The following ABCA3 variants were observed in gnomAD, a reference collection of about 807,000 sequenced individuals.
ABCA3 encodes ATP binding cassette subfamily A member 3, also known as phospholipid-transporting ATPase ABCA3.
ABCA3 carries 88 observed loss-of-function variants against 172.8 expected under a neutral mutation model. That is an observed-to-expected ratio of 0.51 (90% CI 0.43 to 0.61). The LOEUF (loss-of-function observed/expected upper bound fraction) is 0.61. Among genes scored for constraint, ABCA3 ranks in the 20% least tolerant of loss-of-function variants. The pLI is 0.00. For synonymous variants in ABCA3, 1,066 were observed against 983.8 expected, an observed-to-expected ratio of 1.08 and a Z score of -1.56; for missense variants, 2,164 against 2,301.0, an observed-to-expected ratio of 0.94 and a Z score of 1.22.
rs201297097 is a variant in ABCA3, at chr16:2,310,427, A to C, written c.1112-1804T>G. Among the ~76,000 whole-genome samples, 165 of 150,938 alleles carry C rather than the reference A, an allele frequency of 1.1e-3. 1 individual carries two copies. Among genetic ancestry groups the C allele is most frequent in the East Asian group, 3.5e-3 (18 of 5,160 alleles). ...GTCTCAAAACAAACAAACAAACAAA[A>C]AAACAAACAAACAAACAAAACACCC... is the stretch of plus-strand genomic sequence containing the variant. On this transcript the variant is annotated intron_variant, in intron 10 of 32. Transcript: ENST00000301732.
rs2093663847 is a variant in ABCA3, at chr16:2,286,780, C to T, written c.3192G>A (p.Leu1064=). The part of the protein sequence containing the change: ...LAVVDNLLFK[L]LCGPHASIVV... ...CAATGGAGGCGTGAGGCCCGCACAGCAGCTTGAACAGAAGGTTGTCCACGA... is the reference window on the plus strand; with the variant it reads ...CAATGGAGGCGTGAGGCCCGCACAGTAGCTTGAACAGAAGGTTGTCCACGA... The change falls in exon 22 of 33, where the codon CTG becomes CTA. Residue 1064 remains leucine (L), a synonymous_variant. Transcript: ENST00000301732. This position sits in a 1 kb window ranked among gnomAD's most constrained non-coding sequence, Gnocchi z 5.2. 1 of 1,614,152 alleles carries T rather than the reference C, an allele frequency of 6.2e-7. No individual in the cohort carries two copies. The highest frequency in any genetic ancestry group is 8.5e-7 in the Non-Finnish European group (1 of 1,180,040).
chr16:2,293,368 T>C (rs950951358), intron 18 of ABCA3, among the ~76,000 whole-genome samples: 71 of 60,766 alleles, frequency 1.2e-3, no homozygotes, highest in African/African-American at 3.5e-3. Flanking sequence ...CCAAAATGCC[T>C]TTTTTTTTTT....
At chr16:2,299,912 G>T in intron 13 of ABCA3, 93 bp downstream of exon 13, 1 of 1,563,062 alleles carries the variant, frequency 6.4e-7, no homozygotes, top group Non-Finnish European at 8.7e-7. Context: ...CAGAGGGAGC[G>T]CCTGACGGGC....
In ABCA3 at chr16:2,284,543, G is replaced by A. The variant is rs1472125618; in HGVS notation, c.3704-106C>T. On this transcript the variant is annotated intron_variant, in intron 24 of 32. Transcript: ENST00000301732. The surrounding 1 kb of genome is among the most constrained non-coding windows in gnomAD (Gnocchi z 5.9). ...CAGGGCCTTATCCGTGCTGTGTGGAGTGAGGGGGCACCTCCCAGGGACGCC... is the reference window on the plus strand; with the variant it reads ...CAGGGCCTTATCCGTGCTGTGTGGAATGAGGGGGCACCTCCCAGGGACGCC... 1 of 1,515,756 alleles carries A rather than the reference G, an allele frequency of 6.6e-7. No individual in the cohort carries two copies. The allele number at this position is 1,515,756 out of a possible 1,614,324, so 93.9% of individuals were successfully genotyped here. A position where few individuals can be genotyped will look rare whatever the true frequency, so the allele number is the denominator to read the frequency against.
At chr16:2,309,223 G>A (rs2093702802) in intron 10 of ABCA3, among the ~76,000 whole-genome samples, 1 of 152,210 alleles carries the variant, frequency 6.6e-6, no homozygotes, top group Non-Finnish European at 1.5e-5. Context: ...TGGGATTACA[G>A]GCGTGAGCCA....
rs900827221 is a variant in ABCA3, at chr16:2,285,100, C to T, written c.3484-102G>A. ...CATTTGGAGGTCCTCAGACCCCTCCCGGTCAGCTGGCCCATGTCCATCAGC... is the reference window on the plus strand; with the variant it reads ...CATTTGGAGGTCCTCAGACCCCTCCTGGTCAGCTGGCCCATGTCCATCAGC... On this transcript the variant is annotated intron_variant, in intron 23 of 32. Transcript: ENST00000301732. This position sits in a 1 kb window ranked among gnomAD's most constrained non-coding sequence, Gnocchi z 4.7. 94 of 1,323,850 alleles carry T rather than the reference C, an allele frequency of 7.1e-5. 1 individual carries two copies. The Admixed American group carries it at 8.3e-4, about 12-fold the overall frequency. 82.0% of individuals were successfully genotyped at this position (1,323,850 alleles called of 1,614,324 possible). A position where few individuals can be genotyped will look rare whatever the true frequency, so the allele number is the denominator to read the frequency against.
chr16:2,301,165 A>G, intron 12 of ABCA3, among the ~76,000 whole-genome samples: 1 of 150,978 alleles, frequency 6.6e-6, no homozygotes, highest in Non-Finnish European at 1.5e-5. Context: ...CGGGAGGCGG[A>G]GCTTGCAGTG....
chr16:2,335,273 T>A (rs920582922), intron 1 of ABCA3, among the ~76,000 whole-genome samples: 3 of 152,216 alleles, frequency 2.0e-5, no homozygotes, highest in African/African-American at 7.2e-5. Flanking sequence ...GTATTTTTCT[T>A]TAAAAATGTG....
At chr16:2,292,310 C>A (rs2093673310) in intron 18 of ABCA3, 72 bp from the exon 19 acceptor site, 8 of 1,339,824 alleles carry the variant, frequency 6.0e-6, no homozygotes, top group Non-Finnish European at 8.4e-6. Context: ...AAAGCATCAC[C>A]CCCCCTCGGC....
At position 2,332,513 on chromosome 16, in the gene ABCA3, T is replaced by C. The variant is rs372217361; in HGVS notation, c.-538-2659A>G. 6.0e-5 allele frequency: 57 copies of C among 955,454 alleles called. No homozygotes were observed. In the East Asian group the frequency reaches 8.9e-4, roughly 15 times the overall value. The allele number at this position is 955,454 out of a possible 1,614,324, so 59.2% of individuals were successfully genotyped here. A position where few individuals can be genotyped will look rare whatever the true frequency, so the allele number is the denominator to read the frequency against. ...GAGATGGACTGACGGGTAGCATAAA[T>C]CTGGGCCACATGACCACCACCCTCC... is the stretch of plus-strand genomic sequence containing the variant. On this transcript the variant is annotated intron_variant, in intron 1 of 32. Coordinates refer to ENST00000301732, the MANE Select transcript of ABCA3 (RefSeq NM_001089.3).
At chr16:2,314,198 A>G (rs2093711187) in intron 10 of ABCA3, among the ~76,000 whole-genome samples, 1 of 152,226 alleles carries the variant, frequency 6.6e-6, no homozygotes, top group Non-Finnish European at 1.5e-5. Context: ...CACTCATGAC[A>G]GCCACAACAC....
At chr16:2,323,237 G>A (rs2093728806) in intron 7 of ABCA3, 1 of 512,040 alleles carries the variant, frequency 2.0e-6, no homozygotes, top group African/African-American at 1.9e-5. Flanking sequence ...CATTGTGGAA[G>A]TCAGTGTGGC....
intron 1 of ABCA3, among the ~76,000 whole-genome samples, chr16:2,331,582 C>T (rs548067816): frequency 6.6e-5 from 10 of 152,266 alleles, no homozygotes; most frequent in Admixed American, 2.6e-4. Context: ...CTGAACACTA[C>T]GCTTGCATCT....
In ABCA3 at chr16:2,295,704, T is replaced by C. The variant is rs1169682693; in HGVS notation, c.2300A>G (p.His767Arg). The C allele has an allele frequency of 6.2e-7, 1 of 1,614,002 alleles. No individual in the cohort carries two copies. The highest frequency in any genetic ancestry group is 8.5e-7 in the Non-Finnish European group (1 of 1,180,026). Residue 767 changes from histidine to arginine, a missense_variant, in exon 18 of 33, where the codon CAC becomes CGC. Transcript: ENST00000301732. ...CTGGGAGATGTCTTCCGGGTTGCAG[T>C]GCGGCTCCTTCACCAGCGTCATGTG... ...GYHMTLVKEP[H>R]CNPEDISQLV... is the part of the protein sequence containing the mutation.
At position 2,319,657 on chromosome 16, in the gene ABCA3, A is replaced by G; in HGVS notation, c.797T>C (p.Leu266Pro). The change falls in exon 8 of 33, where the codon CTG becomes CCG. Residue 266 changes from leucine (L) to proline (P), a missense_variant. Leu to Pro is a moderately conservative substitution (Grantham distance 98, BLOSUM62 -3). This residue lies in a region of ABCA3 where 1,343 missense variants were observed against 1,369.6 expected (regional missense o/e 0.98). Coordinates refer to ENST00000301732, the MANE Select transcript of ABCA3 (RefSeq NM_001089.3). Reference protein sequence around the residue: ...LVAIQYQLPLLLLLSFTYTAL... With the variant: ...LVAIQYQLPLPLLLSFTYTAL... ...GGTGTAGGTGAAGCTGAGCAGCAGC[A>G]GCAGGGGCAGCTGGTACTGGATGGC... 1.9e-6 allele frequency: 3 copies of G among 1,613,920 alleles called. No homozygotes were observed. The highest frequency in any genetic ancestry group is 2.5e-6 in the Non-Finnish European group (3 of 1,180,010).
rs968603101 is a variant in ABCA3, at chr16:2,276,918, G to A, written c.4984-113C>T. The A allele has an allele frequency of 5.5e-6, 8 of 1,456,536 alleles. No homozygotes were observed. In the African/African-American group the frequency reaches 9.8e-5, roughly 18 times the overall value. 90.2% of individuals were successfully genotyped at this position (1,456,536 alleles called of 1,614,324 possible). A position where few individuals can be genotyped will look rare whatever the true frequency, so the allele number is the denominator to read the frequency against. On this transcript the variant is annotated intron_variant, in intron 32 of 32. Transcript: ENST00000301732. ...ATGAGGCCCCCACAATCCTACCCCT[G>A]CCCAGCGCCACCCCAGAGCCCCAGA...
chr16:2,295,766 T>C lies in ABCA3; in HGVS notation c.2264-26A>G, dbSNP rs1260005087. 1.9e-6 allele frequency: 3 copies of C among 1,613,286 alleles called. No individual in the cohort carries two copies. In the East Asian group the frequency reaches 6.7e-5, roughly 36 times the overall value. ...CTGGAATACAGGGCCACGTGTGAGA[T>C]CTTTGGCTGATCCCCCAGGTCTCTT... On this transcript the variant is annotated intron_variant, in intron 17 of 32. Transcript: ENST00000301732.
rs185893684 is a variant in ABCA3, at chr16:2,289,815, T to C, written c.2514-195A>G. Among the ~76,000 whole-genome samples the C allele has an allele frequency of 7.8e-4, 119 of 152,270 alleles. 1 individual carries two copies. The East Asian group carries it at 0.016, about 20-fold the overall frequency. ...CTAATTTTTGTATTTTTAGTAGACA[T>C]AGGGTTTCACCATGTTGGCCAGGCT... On this transcript the variant is annotated intron_variant, in intron 19 of 32. Transcript: ENST00000301732.
Position 2,278,688 on chromosome 16 carries a change from A to G in ABCA3, c.4548-230T>C, listed in dbSNP as rs956254419. 1.3e-5 allele frequency among the ~76,000 whole-genome samples: 2 copies of G among 151,802 alleles called. No homozygotes were observed. Among genetic ancestry groups the G allele is most frequent in the African/African-American group, 4.9e-5 (2 of 41,072 alleles). ...GGTGCACGCACCTACATGGGAAGAC[A>G]TCTGCCTGCACCTAAAGGGGACCTG... On this transcript the variant is annotated intron_variant, in intron 29 of 32. Coordinates refer to ENST00000301732, the MANE Select transcript of ABCA3 (RefSeq NM_001089.3). The surrounding 1 kb of genome is among the most constrained non-coding windows in gnomAD (Gnocchi z 4.4).
Sources: gnomAD v4.1 joint callset for allele counts (sites outside exome capture counted in the v4.1 genomes callset) on GRCh38, gnomAD v4.1.1 for gene constraint, gnomAD v4.1.1 regional missense constraint, Gnocchi (gnomAD v3.1) non-coding constraint, MANE v1.5 for transcripts, NCBI Gene and HGNC (gene_info 2026-07-23, HGNC 2026-07-21) for gene names.